Variants in FGF13 observed in about 807,000 individuals in gnomAD.
FGF13 encodes fibroblast growth factor homologous factor 2.
Under a neutral mutation model 19.5 loss-of-function variants are expected in FGF13, and 2 were observed. The observed-to-expected ratio is 0.10, with a 90% CI of 0.04 to 0.32. FGF13 has a LOEUF of 0.32. FGF13 is among the 10% of genes least tolerant of loss of function. The pLI is 1.00. For synonymous variants in FGF13, 72 were observed against 76.9 expected (o/e 0.94, Z 0.33); for missense variants, 113 against 192.7 (o/e 0.59, Z 2.45).
chrX:139,171,889 G>A (rs996464869), intron 1 of FGF13, among the ~76,000 whole-genome samples: 6 of 111,898 alleles, frequency 5.4e-5, no homozygotes, highest in Admixed American at 9.5e-5. Context: ...GCTTTGACAT[G>A]CAGCTTATTC....
At chrX:139,090,513 G>A (rs2083433014) in intron 1 of FGF13, among the ~76,000 whole-genome samples, 1 of 111,309 alleles carries the variant, frequency 9.0e-6, no homozygotes, top group African/African-American at 3.3e-5. Context: ...ATGGGGGTTT[G>A]TTGTAGAGAT....
intron 3 of FGF13, among the ~76,000 whole-genome samples, chrX:138,811,013 C>T (rs2090918821): frequency 8.9e-6 from 1 of 112,045 alleles, no homozygotes. Flanking sequence ...TAAACTAGTT[C>T]AACCATTGTG....
chrX:138,749,747 GCA>G (rs2090384129), intron 3 of FGF13, among the ~76,000 whole-genome samples: 1 of 111,589 alleles, frequency 9.0e-6, no homozygotes, highest in African/African-American at 3.3e-5. Flanking sequence ...AATGGCTGGA[GCA>G]CAGATTTCCA....
At chrX:139,111,499 G>A (rs1356097642) in intron 1 of FGF13, among the ~76,000 whole-genome samples, 1 of 111,723 alleles carries the variant, frequency 9.0e-6, no homozygotes, top group African/African-American at 3.3e-5. Context: ...ATAGAACCGA[G>A]GCTGCCTAAT....
At chrX:138,688,305 T>A (rs953425410) in intron 3 of FGF13, among the ~76,000 whole-genome samples, 1 of 110,502 alleles carries the variant, frequency 9.0e-6, no homozygotes, top group African/African-American at 3.3e-5. Flanking sequence ...GAATGATGGT[T>A]ACCAGAGTCT....
chrX:139,204,267 G>C, upstream of FGF13: 1 of 499,374 alleles, frequency 2.0e-6, no homozygotes. Context: ...CGCCGCCGCC[G>C]CTGCCTACGA....
intron 1 of FGF13, among the ~76,000 whole-genome samples, chrX:138,737,135 C>T (rs1043526992): frequency 1.1e-4 from 12 of 111,439 alleles, no homozygotes; most frequent in African/African-American, 3.9e-4. Flanking sequence ...AAATGAGAGG[C>T]AGCAGACTTA....
intron 1 of FGF13, among the ~76,000 whole-genome samples, chrX:139,134,459 T>C (rs941550166): frequency 9.0e-6 from 1 of 111,015 alleles, no homozygotes; most frequent in Non-Finnish European, 1.9e-5. Flanking sequence ...TGGTAGAAAG[T>C]TACCTCCCCT....
At chrX:139,045,227 C>T (rs769691247) in intron 1 of FGF13, among the ~76,000 whole-genome samples, 1 of 112,389 alleles carries the variant, frequency 8.9e-6, no homozygotes, top group Non-Finnish European at 1.9e-5. Context: ...ACAGCTGGAA[C>T]TGGAGTGACC....
At chrX:139,129,593 A>G (rs2083746078) in intron 1 of FGF13, among the ~76,000 whole-genome samples, 3 of 111,696 alleles carry the variant, frequency 2.7e-5, no homozygotes, top group South Asian at 7.5e-4. Flanking sequence ...GACCCAAAGC[A>G]GCAAAAGAAA....
chrX:139,184,706 T>C (rs969384168), intron 1 of FGF13, among the ~76,000 whole-genome samples: 3 of 112,319 alleles, frequency 2.7e-5, no homozygotes, highest in Non-Finnish European at 5.6e-5. Context: ...GTTTTATTCA[T>C]TGCTATATCA....
chrX:138,842,293 C>G (rs1364401809), intron 3 of FGF13, among the ~76,000 whole-genome samples: 2 of 111,564 alleles, frequency 1.8e-5, no homozygotes, highest in Non-Finnish European at 3.8e-5. Context: ...AGGGAACAAA[C>G]CAAGTTGTAA....
intron 1 of FGF13, among the ~76,000 whole-genome samples, chrX:138,888,379 G>C (rs979763785): frequency 9.0e-6 from 1 of 111,295 alleles, no homozygotes; most frequent in African/African-American, 3.3e-5. Flanking sequence ...TAACTTTCTT[G>C]TCTTTGGACT....
At chrX:138,846,368 C>T (rs1382800343) in intron 3 of FGF13, among the ~76,000 whole-genome samples, 1 of 111,301 alleles carries the variant, frequency 9.0e-6, no homozygotes, top group African/African-American at 3.3e-5. Context: ...ACTGAGACAG[C>T]TCCTGCCCCA....
chrX:138,777,502 CCTT>C (rs2090596865), intron 3 of FGF13, among the ~76,000 whole-genome samples: 1 of 111,301 alleles, frequency 9.0e-6, no homozygotes, highest in Non-Finnish European at 1.9e-5. Flanking sequence ...CCCAAGAATC[CCTT>C]CTTCTGCCAG....
At chrX:138,718,324 TGAAAAGCTAGGG>T (rs2090123997) in intron 1 of FGF13, among the ~76,000 whole-genome samples, 1 of 111,673 alleles carries the variant, frequency 9.0e-6, no homozygotes, top group Admixed American at 9.5e-5. Flanking sequence ...GTAACCTAAA[TGAAAAGCTAGGG>T]GAAAAAATGA....
At chrX:138,714,952 C>CT (rs747803038), upstream of FGF13, 1 of 111,644 alleles carries the variant, frequency 9.0e-6, no homozygotes, top group East Asian at 2.8e-4. Flanking sequence ...TTCCAAATCC[C>CT]TTTTTCTCCA....
At chrX:138,667,182 G>T (rs1192128028) in intron 3 of FGF13, among the ~76,000 whole-genome samples, 1 of 105,636 alleles carries the variant, frequency 9.5e-6, no homozygotes, top group African/African-American at 3.4e-5. Flanking sequence ...ATTACATGAA[G>T]ATATATATGT....
intron 3 of FGF13, 150 bp from the exon 4 acceptor site, chrX:138,635,805 T>G: frequency 2.2e-6 from 1 of 454,027 alleles, no homozygotes; most frequent in Non-Finnish European, 3.8e-6. Context: ...ACTATCATCA[T>G]TGGAAACCAT....
Sources: gnomAD v4.1 joint callset for allele counts (sites outside exome capture counted in the v4.1 genomes callset) on GRCh38, gnomAD v4.1.1 for gene constraint, MANE v1.5 for transcripts, NCBI Gene and HGNC (gene_info 2026-07-23, HGNC 2026-07-21) for gene names.